RAMP3: variants seen among roughly 807,000 people sequenced by gnomAD.
RAMP3 encodes the protein receptor activity-modifying protein 3.
Under a neutral mutation model 13.5 loss-of-function variants are expected in RAMP3, and 14 were observed. The ratio of observed to expected loss-of-function variants is 1.04; its 90% CI spans 0.69 to 1.63. The LOEUF (loss-of-function observed/expected upper bound fraction) is 1.63. RAMP3 is among the 40% of genes most tolerant of loss of function. The pLI is 0.00. For missense variants in RAMP3, 200 were observed against 204.8 expected (o/e 0.98, Z 0.14); for synonymous variants, 106 against 88.3 (o/e 1.20, Z -1.12).
At position 45,183,286 on chromosome 7, in the gene RAMP3, C is replaced by T; in HGVS notation, c.321C>T (p.Asp107=). The T allele has an allele frequency of 6.2e-7, 1 of 1,614,122 alleles. No homozygotes were observed. Among genetic ancestry groups the T allele is most frequent in the Non-Finnish European group, 8.5e-7 (1 of 1,180,048 alleles). The change falls in exon 3 of 3, where the codon GAC becomes GAT. Residue 107 remains aspartate, a synonymous_variant. Coordinates refer to ENST00000242249, the MANE Select transcript of RAMP3 (RefSeq NM_005856.3). ...HRQFFSNCTV[D]RVHLEDPPDE... ...AGTTCTTCTCCAACTGCACCGTGGA[C>T]AGGGTCCACTTGGAGGACCCCCCAG...
intron 1 of RAMP3, among the ~76,000 whole-genome samples, chr7:45,167,358 A>G (rs1462536578): frequency 1.3e-5 from 2 of 152,160 alleles, no homozygotes; most frequent in African/African-American, 4.8e-5. Context: ...TTTGTTGAAA[A>G]GAGTATTCTT....
chr7:45,183,663 G>A lies in RAMP3; in HGVS notation c.*251G>A, dbSNP rs1420847869. 3.3e-6 allele frequency: 2 copies of A among 601,352 alleles called. No homozygotes were observed. Among genetic ancestry groups the A allele is most frequent in the African/African-American group, 3.7e-5 (2 of 53,840 alleles). 37.3% of individuals were successfully genotyped at this position (601,352 alleles called of 1,614,324 possible). A position where few individuals can be genotyped will look rare whatever the true frequency, so the allele number is the denominator to read the frequency against. On this transcript the variant is annotated 3_prime_UTR_variant, in exon 3 of 3. Transcript: ENST00000242249. ...TGGAGGAAAATGTGATAAGGCCAGA[G>A]CTTGTGTGCTGGGCACAGAAATCAC...
chr7:45,177,271 G>T (rs1165097619), intron 1 of RAMP3, 38 bp from the exon 2 acceptor site: 4 of 1,612,952 alleles, frequency 2.5e-6, no homozygotes, highest in Non-Finnish European at 2.5e-6. Flanking sequence ...TCCCCAGTGT[G>T]AACTGTAGTG....
intron 2 of RAMP3, among the ~76,000 whole-genome samples, chr7:45,181,391 G>A (rs1052468377): frequency 4.6e-5 from 7 of 152,330 alleles, no homozygotes; most frequent in African/African-American, 1.2e-4. Flanking sequence ...CTCTTGGGAC[G>A]GTTCTGGGGC....
At chr7:45,182,495 C>T (rs141992641) in intron 2 of RAMP3, among the ~76,000 whole-genome samples, 1,538 of 152,234 alleles carry the variant, frequency 0.01, 9 homozygotes, top group Non-Finnish European at 0.016. Context: ...CTGTGCTGGG[C>T]GGTCATGGAG....
intron 2 of RAMP3, among the ~76,000 whole-genome samples, chr7:45,181,879 G>A (rs1445238089): frequency 6.6e-6 from 1 of 152,204 alleles, no homozygotes; most frequent in Admixed American, 6.5e-5. Flanking sequence ...ACACTACCTG[G>A]AAAGGCACAG....
chr7:45,159,809 A>G (rs767388958), intron 1 of RAMP3, among the ~76,000 whole-genome samples: 1 of 152,196 alleles, frequency 6.6e-6, no homozygotes, highest in Non-Finnish European at 1.5e-5. Context: ...GAGGTATGGG[A>G]AGGCACCCAC....
chr7:45,163,928 T>A (rs1785911950), intron 1 of RAMP3: 1 of 978,000 alleles, frequency 1.0e-6, no homozygotes, highest in Non-Finnish European at 1.2e-6. Context: ...CAGGATTCCA[T>A]GATGTGAAGG....
chr7:45,184,019 C>G lies in RAMP3; in HGVS notation c.*607C>G, dbSNP rs879625631. 5 of 409,482 alleles carry G rather than the reference C, an allele frequency of 1.2e-5. No individual in the cohort carries two copies. Among genetic ancestry groups the G allele is most frequent in the Admixed American group, 1.2e-4 (3 of 25,316 alleles). The allele number at this position is 409,482 out of a possible 1,614,324, so 25.4% of individuals were successfully genotyped here. On this transcript the variant is annotated 3_prime_UTR_variant, in exon 3 of 3. Coordinates refer to ENST00000242249, the MANE Select transcript of RAMP3 (RefSeq NM_005856.3). ...AGGAGCCATGCGTGGCCTGCAGAGT[C>G]CATTCCATCATGATGCTGTGCCCGC...
intron 1 of RAMP3, among the ~76,000 whole-genome samples, chr7:45,161,836 G>A (rs906937805): frequency 2.6e-5 from 4 of 152,168 alleles, no homozygotes; most frequent in African/African-American, 9.7e-5. Flanking sequence ...CCAGGCTGCA[G>A]GTGTGGGCAC....
chr7:45,157,896 C>A lies in RAMP3; in HGVS notation c.58+10C>A, dbSNP rs552140397. On this transcript the variant is annotated intron_variant, in intron 1 of 2. Coordinates refer to ENST00000242249, the MANE Select transcript of RAMP3 (RefSeq NM_005856.3). ...CTGCTGCTGCTCTGCGGTAAGGGGG[C>A]GACGGCCCGCACCGGGGGCGCCCCC... 7.2e-5 allele frequency: 98 copies of A among 1,358,432 alleles called. 1 individual carries two copies. The African/African-American group carries it at 1.1e-3, about 15-fold the overall frequency. 84.1% of individuals were successfully genotyped at this position (1,358,432 alleles called of 1,614,324 possible). A position where few individuals can be genotyped will look rare whatever the true frequency, so the allele number is the denominator to read the frequency against.
chr7:45,160,330 C>CAAAAAAAAAAAAAAAAAAAAAAAAAA (rs34833718), intron 1 of RAMP3, among the ~76,000 whole-genome samples: 1 of 17,892 alleles, frequency 5.6e-5, no homozygotes. Context: ...GACTCTGCCT[C>CAAAAAAAAAAAAAAAAAAAAAAAAAA]AAAAAAAAAA....
intron 1 of RAMP3, among the ~76,000 whole-genome samples, chr7:45,159,495 A>G (rs570195586): frequency 6.6e-6 from 1 of 152,270 alleles, no homozygotes; most frequent in Admixed American, 6.5e-5. Flanking sequence ...CTTTTTCCAG[A>G]AAGCATTTGA....
In RAMP3 at chr7:45,176,635, G is replaced by A. The variant is rs867525277; in HGVS notation, c.59-674G>A. Among the ~76,000 whole-genome samples, 3 of 152,300 alleles carry A rather than the reference G, an allele frequency of 2.0e-5. No individual in the cohort carries two copies. In the South Asian group the frequency reaches 6.2e-4, roughly 32 times the overall value. ...AGTGGGAGGGAGGATGTTCCCCATGGGGAAATGTGTGGAGCAAAGGCATGA... is the reference window on the plus strand; with the variant it reads ...AGTGGGAGGGAGGATGTTCCCCATGAGGAAATGTGTGGAGCAAAGGCATGA... On this transcript the variant is annotated intron_variant, in intron 1 of 2. Transcript: ENST00000242249.
At chr7:45,167,098 C>A (rs530245976) in intron 1 of RAMP3, among the ~76,000 whole-genome samples, 55 of 152,050 alleles carry the variant, frequency 3.6e-4, no homozygotes, top group African/African-American at 1.3e-3. Flanking sequence ...GCTGGGACTA[C>A]AGGTGCCCGC....
chr7:45,165,996 A>C (rs1369657975), intron 1 of RAMP3, among the ~76,000 whole-genome samples: 3 of 152,210 alleles, frequency 2.0e-5, no homozygotes, highest in Non-Finnish European at 4.4e-5. Context: ...CTTCATGTAA[A>C]AATCTGTGTG....
At chr7:45,177,474 T>C in intron 2 of RAMP3, 33 bp downstream of exon 2, 2 of 1,613,260 alleles carry the variant, frequency 1.2e-6, no homozygotes, top group African/African-American at 1.3e-5. Context: ...GGATTTGCTC[T>C]GACCACAGCG....
intron 1 of RAMP3, chr7:45,163,736 T>G: frequency 1.0e-6 from 1 of 985,184 alleles, no homozygotes; most frequent in Non-Finnish European, 1.2e-6. Context: ...AGGGCCCTGC[T>G]TGGAGTCACA....
chr7:45,157,952 C>T, intron 1 of RAMP3, 66 bp downstream of exon 1: 1 of 1,273,674 alleles, frequency 7.9e-7, no homozygotes, highest in South Asian at 2.2e-5. Flanking sequence ...CCCGGGTGGA[C>T]CCGCGCCTTC....
Sources: allele counts gnomAD v4.1 joint callset (sites outside exome capture counted in the v4.1 genomes callset), GRCh38; gene constraint gnomAD v4.1.1; transcripts MANE v1.5; gene names NCBI Gene and HGNC (gene_info 2026-07-23, HGNC 2026-07-21).